EPRS1: variants seen among roughly 807,000 people sequenced by gnomAD.
EPRS1 encodes glutamyl-prolyl-tRNA synthetase 1.
EPRS1 carries 107 observed loss-of-function variants against 188.3 expected under a neutral mutation model. That is an observed-to-expected ratio of 0.57 (90% confidence interval 0.49 to 0.67). EPRS1 has a LOEUF of 0.67. Among genes scored for constraint, EPRS1 ranks in the 30% least tolerant of loss-of-function variants. The pLI is 0.00. For synonymous variants in EPRS1, 596 were observed against 593.1 expected (o/e 1.00, Z -0.07); for missense variants, 1,577 against 1,802.2 (o/e 0.88, Z 2.26).
chr1:220,024,397 C>G lies in EPRS1; in HGVS notation c.810G>C (p.Ser270=). ...ACTTCATTATAGTTTCAAAATGATC[C>G]GAAGTATAAGTAAATTGATCTGGTT... The part of the protein sequence containing the change: ...HIKPDQFTYT[S]DHFETIMKYA... The change falls in exon 8 of 32, where the codon TCG becomes TCC. Residue 270 remains serine, a synonymous_variant. Coordinates refer to ENST00000366923, the MANE Select transcript of EPRS1 (RefSeq NM_004446.3). 6 of 1,612,002 alleles carry G rather than the reference C, an allele frequency of 3.7e-6. No homozygotes were observed. Among genetic ancestry groups the G allele is most frequent in the Non-Finnish European group, 5.1e-6 (6 of 1,179,204 alleles).
intron 14 of EPRS1, among the ~76,000 whole-genome samples, chr1:220,006,673 T>C (rs968149813): frequency 6.6e-6 from 1 of 152,204 alleles, no homozygotes; most frequent in African/African-American, 2.4e-5. Flanking sequence ...ATTTGGCAGT[T>C]ACTTGCAATC....
At position 220,033,572 on chromosome 1, in the gene EPRS1, C is replaced by A; in HGVS notation, c.318G>T (p.Leu106=). ...TSTINELNHC[L]SLRTYLVGNS... ...TTCCAACTAAGTATGTTCTCAGAGACAGGCAATGATTGAGTTCATTAATTG... is the reference window on the plus strand; with the variant it reads ...TTCCAACTAAGTATGTTCTCAGAGAAAGGCAATGATTGAGTTCATTAATTG... Residue 106 remains leucine (L), a synonymous_variant, in exon 4 of 32, where the codon CTG becomes CTT. Coordinates refer to ENST00000366923, the MANE Select transcript of EPRS1 (RefSeq NM_004446.3). 6.2e-7 allele frequency: 1 copy of A among 1,611,564 alleles called. No homozygotes were observed. Among genetic ancestry groups the A allele is most frequent in the South Asian group, 1.1e-5 (1 of 90,982 alleles).
chr1:220,030,246 G>T (rs997130245), intron 6 of EPRS1, 140 bp downstream of exon 6: 1 of 557,286 alleles, frequency 1.8e-6, no homozygotes, highest in East Asian at 3.0e-5. Context: ...CTGTTAAAAC[G>T]TTTAGAATTT....
intron 20 of EPRS1, among the ~76,000 whole-genome samples, chr1:219,984,533 C>T (rs1259712927): frequency 6.6e-6 from 1 of 152,192 alleles, no homozygotes; most frequent in Non-Finnish European, 1.5e-5. Context: ...ATTCTCTCAC[C>T]TCAGCCTCCC....
intron 18 of EPRS1, 38 bp downstream of exon 18, chr1:219,996,945 A>G: frequency 1.3e-6 from 2 of 1,525,340 alleles, no homozygotes; most frequent in Admixed American, 4.3e-5. Flanking sequence ...GAATTCACAC[A>G]CTGAAAATGT....
intron 20 of EPRS1, among the ~76,000 whole-genome samples, chr1:219,986,783 A>ATGTGTGTGTG (rs55845197): frequency 0.027 from 4,120 of 150,226 alleles, 66 homozygotes; most frequent in African/African-American, 0.044. Flanking sequence ...GAAAATATGT[A>ATGTGTGTGTG]TGTGTGTGTG....
rs576325060 is a variant in EPRS1, at chr1:220,046,347, C to T, written c.42G>A (p.Pro14=). ...LSLTVNSGDP[P]LGALLAVEHV... ...TCATTGGTCTCGGCCCCTTACCTAG[C>T]GGAGGGTCTCCTGAATTCACGGTCA... Residue 14 remains proline (P), a synonymous_variant, in exon 1 of 32, where the codon CCG becomes CCA. Coordinates refer to ENST00000366923, the MANE Select transcript of EPRS1 (RefSeq NM_004446.3). The T allele has an allele frequency of 2.6e-5, 42 of 1,614,130 alleles. 2 individuals carry two copies. The South Asian group carries it at 2.9e-4, about 11-fold the overall frequency.
chr1:219,975,843 T>TAA (rs1553318440), intron 28 of EPRS1, among the ~76,000 whole-genome samples: 1 of 151,864 alleles, frequency 6.6e-6, no homozygotes. Context: ...CACATATCTG[T>TAA]ATGTGTGTAT....
intron 2 of EPRS1, among the ~76,000 whole-genome samples, chr1:220,038,530 T>C (rs1469098929): frequency 6.6e-6 from 1 of 150,556 alleles, no homozygotes; most frequent in African/African-American, 2.5e-5. Context: ...TAGCTGGGAG[T>C]ACACCCAGCT....
chr1:220,007,513 T>A (rs1192000123), intron 13 of EPRS1, 175 bp from the exon 14 acceptor site: 5 of 561,416 alleles, frequency 8.9e-6, no homozygotes, highest in Non-Finnish European at 1.5e-5. Flanking sequence ...TCCATCTATG[T>A]ATTTTAACAT....
chr1:220,043,095 G>T (rs1271480031), intron 1 of EPRS1, among the ~76,000 whole-genome samples: 2 of 152,088 alleles, frequency 1.3e-5, no homozygotes, highest in Non-Finnish European at 2.9e-5. Context: ...GTGACAAAAA[G>T]AAGATGAGTC....
chr1:220,020,360 TA>T, intron 9 of EPRS1, 139 bp from the exon 10 acceptor site: 1 of 599,800 alleles, frequency 1.7e-6, no homozygotes, highest in Non-Finnish European at 2.9e-6. Flanking sequence ...TTTTATGACT[TA>T]ATACTCAAAG....
At chr1:219,985,112 A>C (rs1660982204) in intron 20 of EPRS1, among the ~76,000 whole-genome samples, 1 of 151,990 alleles carries the variant, frequency 6.6e-6, no homozygotes, top group Non-Finnish European at 1.5e-5. Flanking sequence ...GTTGAGAGAT[A>C]TTGTCCACAA....
Position 220,019,971 on chromosome 1 carries a change from A to G in EPRS1, c.1349+17T>C. On this transcript the variant is annotated intron_variant, in intron 10 of 31. Transcript: ENST00000366923. ...ATGTCCTTACTTCTTGTCAATTCTA[A>G]GTAACATTAAACATACCATCCATCT... 2 of 1,528,118 alleles carry G rather than the reference A, an allele frequency of 1.3e-6. No homozygotes were observed. The highest frequency in any genetic ancestry group is 1.8e-6 in the Non-Finnish European group (2 of 1,102,462). The allele number at this position is 1,528,118 out of a possible 1,614,324, so 94.7% of individuals were successfully genotyped here. A position where few individuals can be genotyped will look rare whatever the true frequency, so the allele number is the denominator to read the frequency against.
chr1:220,028,820 G>GA (rs1330630866), intron 6 of EPRS1, among the ~76,000 whole-genome samples: 1 of 151,444 alleles, frequency 6.6e-6, no homozygotes, highest in East Asian at 1.9e-4. Context: ...TTAAGACACA[G>GA]AAAAGAAAAA....
At chr1:220,022,080 T>G (rs1661887458) in intron 9 of EPRS1, among the ~76,000 whole-genome samples, 1 of 151,848 alleles carries the variant, frequency 6.6e-6, no homozygotes, top group East Asian at 1.9e-4. Context: ...ACAGTATACC[T>G]AATCAATACA....
At position 220,032,468 on chromosome 1, in the gene EPRS1, A is replaced by G. The variant is rs1292747862; in HGVS notation, c.447T>C (p.Arg149=). Reference sequence around the variant, plus strand: ...GCTGGGCTTCAAGAAAGCCAAACCAACGTTTTACATGAACTGGAGCTTTCT... The same window carrying G: ...GCTGGGCTTCAAGAAAGCCAAACCAGCGTTTTACATGAACTGGAGCTTTCT... The part of the protein sequence containing the change: ...KQKKAPVHVK[R]WFGFLEAQQA... Residue 149 remains arginine, a synonymous_variant, in exon 5 of 32, where the codon CGT becomes CGC. Coordinates refer to ENST00000366923, the MANE Select transcript of EPRS1 (RefSeq NM_004446.3). 1 of 1,613,638 alleles carries G rather than the reference A, an allele frequency of 6.2e-7. No homozygotes were observed. Among genetic ancestry groups the G allele is most frequent in the East Asian group, 2.2e-5 (1 of 44,862 alleles).
chr1:220,000,971 T>C (rs1485679321), intron 17 of EPRS1, among the ~76,000 whole-genome samples, 167 bp downstream of exon 17: 1 of 152,014 alleles, frequency 6.6e-6, no homozygotes, highest in Non-Finnish European at 1.5e-5. Flanking sequence ...GAGAGTGAGA[T>C]TTTAAAATCT....
At chr1:219,989,398 A>G (rs1323174637) in intron 18 of EPRS1, among the ~76,000 whole-genome samples, 2 of 151,504 alleles carry the variant, frequency 1.3e-5, no homozygotes, top group Non-Finnish European at 2.9e-5. Context: ...AGCCCCACCG[A>G]GACACTTGTG....
Sources: allele counts gnomAD v4.1 joint callset (sites outside exome capture counted in the v4.1 genomes callset), GRCh38; gene constraint gnomAD v4.1.1; transcripts MANE v1.5; gene names NCBI Gene and HGNC (gene_info 2026-07-23, HGNC 2026-07-21).